ARHGAP27: variants seen among roughly 807,000 people sequenced by gnomAD.
ARHGAP27 encodes the protein rho GTPase-activating protein 27.
ARHGAP27 carries 53 observed loss-of-function variants against 102.0 expected under a neutral mutation model. The ratio of observed to expected loss-of-function variants is 0.52; its 90% CI spans 0.42 to 0.65. The LOEUF (loss-of-function observed/expected upper bound fraction) is 0.65. ARHGAP27 is among the 30% of genes least tolerant of loss of function. The pLI, the probability that ARHGAP27 is intolerant of heterozygous loss-of-function variation, is 0.00. For synonymous variants in ARHGAP27, 525 were observed against 542.8 expected, an observed-to-expected ratio of 0.97 and a Z score of 0.46; for missense variants, 1,117 against 1,256.2, an observed-to-expected ratio of 0.89 and a Z score of 1.68.
At chr17:45,418,540 C>G (rs188994744) in intron 4 of ARHGAP27, among the ~76,000 whole-genome samples, 13 of 152,324 alleles carry the variant, frequency 8.5e-5, no homozygotes, top group African/African-American at 2.4e-4. Flanking sequence ...CAGCTCCCCC[C>G]ACCCCCGAAG....
At chr17:45,404,895 G>T (rs1271076679) in intron 6 of ARHGAP27, 29 bp downstream of exon 6, 3 of 1,614,034 alleles carry the variant, frequency 1.9e-6, no homozygotes, top group Non-Finnish European at 2.5e-6. Context: ...CTCTGAGGCT[G>T]TCCGGGTCCA....
At chr17:45,423,792 C>T (rs1161984295) in intron 4 of ARHGAP27, among the ~76,000 whole-genome samples, 1 of 152,208 alleles carries the variant, frequency 6.6e-6, no homozygotes, top group Non-Finnish European at 1.5e-5. Flanking sequence ...AAGGCACAAT[C>T]GTCATTACAC....
At chr17:45,412,333 G>A (rs1465879505) in intron 4 of ARHGAP27, among the ~76,000 whole-genome samples, 1 of 152,210 alleles carries the variant, frequency 6.6e-6, no homozygotes, top group East Asian at 1.9e-4. Context: ...ATGCCTCTGA[G>A]AGGCACAAGG....
intron 4 of ARHGAP27, chr17:45,410,326 A>G: frequency 6.7e-7 from 1 of 1,481,924 alleles, no homozygotes; most frequent in Non-Finnish European, 8.9e-7. Context: ...AGCCCTGGGA[A>G]GGTTTTGGGG....
rs1384377504 is a variant in ARHGAP27 at position 45,430,342 on chromosome 17, G to A, written c.-18-45C>T. On this transcript the variant is annotated intron_variant, in intron 3 of 19. Transcript: ENST00000685559. This position sits in a 1 kb window ranked among gnomAD's most constrained non-coding sequence, Gnocchi z 4.4. ...GGGCCGCGGAGGTCAAGACCACCGA[G>A]CCTGGAATAGCCCCGCACTCGGGGA... The A allele has an allele frequency of 6.6e-7, 1 of 1,508,794 alleles. No individual in the cohort carries two copies. The highest frequency in any genetic ancestry group is 1.4e-5 in the African/African-American group (1 of 70,670). The allele number at this position is 1,508,794 out of a possible 1,614,324, so 93.5% of individuals were successfully genotyped here.
chr17:45,404,813 T>TGACTGTG, intron 6 of ARHGAP27, 111 bp downstream of exon 6: 4 of 1,543,106 alleles, frequency 2.6e-6, no homozygotes. Context: ...GTTTGGCTGG[T>TGACTGTG]TTAGGCTCTG....
In ARHGAP27 at chr17:45,396,499, C is replaced by T. The variant is rs987545972; in HGVS notation, c.2161G>A (p.Val721Ile). The T allele has an allele frequency of 7.1e-6, 11 of 1,548,562 alleles. No individual in the cohort carries two copies. Among genetic ancestry groups the T allele is most frequent in the African/African-American group, 1.4e-5 (1 of 73,452 alleles). The change falls in exon 16 of 20, where the codon GTC becomes ATC. Residue 721 changes from valine (V) to isoleucine (I), a missense_variant. Transcript: ENST00000685559. The stretch of plus-strand genomic sequence containing the variant: ...GCAGCGCACGTACCGCGGGCCTCGA[C>T]GGCGCGGATGCACTGCTGCACGAAG... ...PRFVQQCIRA[V>I]EARGLDIDGL...
intron 4 of ARHGAP27, chr17:45,425,675 G>T (rs767969521): frequency 2.0e-6 from 2 of 982,914 alleles, no homozygotes. Context: ...GCAGCAGCCC[G>T]GCTGGAACTT....
At chr17:45,406,487 T>G (rs1350255594) in intron 4 of ARHGAP27, among the ~76,000 whole-genome samples, 5 of 152,228 alleles carry the variant, frequency 3.3e-5, no homozygotes, top group Admixed American at 2.0e-4. Context: ...AAGTATTTAG[T>G]GCCCCAGACG....
rs1313210015 is a variant in ARHGAP27 at position 45,413,034 on chromosome 17, C to T, written c.658-6951G>A. ...TCACTCTGTCACCCAGGCTGGGGTG[C>T]AGTGGCTCGATCTCAGCTCACTGCA... On this transcript the variant is annotated intron_variant, in intron 4 of 19. Transcript: ENST00000685559. 4.1e-5 allele frequency among the ~76,000 whole-genome samples: 5 copies of T among 121,286 alleles called. No individual in the cohort carries two copies. The East Asian group carries it at 1.5e-3, about 35-fold the overall frequency. 79.6% of individuals were successfully genotyped at this position (121,286 alleles called of 152,430 possible).
chr17:45,395,821 G>T lies in ARHGAP27; in HGVS notation c.2415C>A (p.Arg805=), dbSNP rs1171618226. ...GCGAGCGCACCAAGTCACGCACACA[G>T]CGGCTGCGCCGGGCCTGGTCCTGCA... is the stretch of plus-strand genomic sequence containing the variant. ...IKLQDQARRS[R]CVRDLVRSLP... The change falls in exon 19 of 20, where the codon CGC becomes CGA. Residue 805 remains arginine (R), a synonymous_variant. Transcript: ENST00000685559. The T allele has an allele frequency of 6.2e-7, 1 of 1,603,992 alleles. No homozygotes were observed. The highest frequency in any genetic ancestry group is 1.7e-5 in the Admixed American group (1 of 59,202).
intron 4 of ARHGAP27, 97 bp from the exon 5 acceptor site, chr17:45,406,180 G>A (rs770955104): frequency 5.3e-6 from 7 of 1,332,236 alleles, no homozygotes; most frequent in Non-Finnish European, 6.9e-6. Context: ...GGGTTTATTT[G>A]TTTTCGCTTT....
chr17:45,430,174 G>T lies in ARHGAP27; in HGVS notation c.106C>A (p.Arg36=), dbSNP rs1333738828. 6.5e-7 allele frequency: 1 copy of T among 1,540,694 alleles called. No individual in the cohort carries two copies. The highest frequency in any genetic ancestry group is 8.7e-7 in the Non-Finnish European group (1 of 1,150,186). The change falls in exon 4 of 20, where the codon CGG becomes AGG. Residue 36 remains arginine (R), a synonymous_variant. Coordinates refer to ENST00000685559, the MANE Select transcript of ARHGAP27 (RefSeq NM_001282290.2). The surrounding 1 kb of genome is among the most constrained non-coding windows in gnomAD (Gnocchi z 4.4). ...RVAIRPNERY[R]LLRRSTEHWW... ...TGCTCGGTGCTGCGCCGCAGCAGCC[G>T]GTAGCGCTCATTCGGCCGGATGGCC...
chr17:45,410,466 GC>G, intron 4 of ARHGAP27: 2 of 1,348,238 alleles, frequency 1.5e-6, no homozygotes, highest in Non-Finnish European at 1.9e-6. Context: ...CTGAGTTGGG[GC>G]GGGTGGGGTG....
intron 4 of ARHGAP27, 27 bp from the exon 5 acceptor site, chr17:45,406,110 G>A (rs1463742003): frequency 1.3e-6 from 2 of 1,491,398 alleles, no homozygotes; most frequent in Admixed American, 2.2e-5. Context: ...GAGGAATTTT[G>A]TGTTTTCAGA....
rs1567747045 is a variant in ARHGAP27, at chr17:45,432,009, C to A, written c.-151+207G>T. ...CTCCGCCTTCCCCCTCTATTCCCCG[C>A]CCCCCCACCCCCCACCCCCCGGGAT... On this transcript the variant is annotated intron_variant, in intron 2 of 19. Transcript: ENST00000685559. Among the ~76,000 whole-genome samples the A allele has an allele frequency of 1.5e-4, 20 of 134,124 alleles. No individual in the cohort carries two copies. The South Asian group carries it at 5.9e-3, about 39-fold the overall frequency. 88.0% of individuals were successfully genotyped at this position (134,124 alleles called of 152,430 possible).
chr17:45,399,061 G>A (rs2046103650), intron 12 of ARHGAP27, among the ~76,000 whole-genome samples: 1 of 152,208 alleles, frequency 6.6e-6, no homozygotes, highest in Non-Finnish European at 1.5e-5. Context: ...AGCCCTTTCT[G>A]AGTTGGATGG....
intron 11 of ARHGAP27, among the ~76,000 whole-genome samples, 172 bp from the exon 12 acceptor site, chr17:45,402,990 C>A (rs906124556): frequency 1.3e-5 from 2 of 152,220 alleles, no homozygotes; most frequent in Non-Finnish European, 2.9e-5. Flanking sequence ...AACCATGGAG[C>A]CTGCTGGCTG....
At chr17:45,428,465 G>T (rs1004372309) in intron 4 of ARHGAP27, among the ~76,000 whole-genome samples, 11 of 152,228 alleles carry the variant, frequency 7.2e-5, no homozygotes, top group African/African-American at 2.7e-4. Flanking sequence ...TCAGCAGCTG[G>T]CAGGTGACCC....
Sources: gnomAD v4.1 joint callset for allele counts (sites outside exome capture counted in the v4.1 genomes callset) on GRCh38, gnomAD v4.1.1 for gene constraint, Gnocchi (gnomAD v3.1) non-coding constraint, MANE v1.5 for transcripts, NCBI Gene and HGNC (gene_info 2026-07-23, HGNC 2026-07-21) for gene names.